TSPAN2: variants seen among roughly 807,000 people sequenced by gnomAD.
The protein encoded by TSPAN2 is tetraspanin-2.
In TSPAN2, 24 loss-of-function variants were observed where a neutral mutation model predicts 33.3. That is an observed-to-expected ratio of 0.72 (90% CI 0.52 to 1.01). The LOEUF (loss-of-function observed/expected upper bound fraction) is 1.01, where lower values mean the gene tolerates loss of function less well. Ranked by LOEUF, TSPAN2 falls within the 50% of genes least tolerant of loss-of-function variation. The probability of loss-of-function intolerance (pLI) is 0.00; values close to 1 mark genes in which losing one functional copy is unlikely to be tolerated. For synonymous variants in TSPAN2, 114 were observed against 104.5 expected (o/e 1.09, Z -0.56); for missense variants, 278 against 281.3 (o/e 0.99, Z 0.08).
At chr1:115,068,443 G>A (rs1031431563) in intron 2 of TSPAN2, among the ~76,000 whole-genome samples, 36 of 152,236 alleles carry the variant, frequency 2.4e-4, no homozygotes, top group African/African-American at 6.3e-4. Flanking sequence ...CTCTCAGAGA[G>A]GAGAGTCAAG....
chr1:115,055,922 C>T (rs1481181558), intron 6 of TSPAN2, among the ~76,000 whole-genome samples: 1 of 152,176 alleles, frequency 6.6e-6, no homozygotes, highest in African/African-American at 2.4e-5. Flanking sequence ...TTATGAATAA[C>T]ATGTAATGAG....
At chr1:115,055,388 G>T (rs1490709655) in intron 6 of TSPAN2, among the ~76,000 whole-genome samples, 1 of 140,950 alleles carries the variant, frequency 7.1e-6, no homozygotes, top group Non-Finnish European at 1.5e-5. Context: ...TAAATTTGTT[G>T]GTGATACTTA....
chr1:115,063,525 T>C (rs139732893), intron 2 of TSPAN2, among the ~76,000 whole-genome samples: 2 of 152,344 alleles, frequency 1.3e-5, no homozygotes, highest in East Asian at 3.9e-4. Flanking sequence ...CTCAAACAAC[T>C]GAGTTGAACT....
chr1:115,050,168 CT>C lies in TSPAN2; in HGVS notation c.*321del, dbSNP rs1170899348. On this transcript the variant is annotated 3_prime_UTR_variant, in exon 8 of 8. Transcript: ENST00000369516. ...TCAAAGTTTCTGAAAGCTCTTTGAT[CT>C]TTTTTTTCTGGGAGCGAAATAGGTT... is the stretch of plus-strand genomic sequence containing the variant. The C allele has an allele frequency of 3.6e-5, 10 of 275,316 alleles. No homozygotes were observed. Among genetic ancestry groups the C allele is most frequent in the East Asian group, 2.1e-4 (2 of 9,452 alleles). 17.1% of individuals were successfully genotyped at this position (275,316 alleles called of 1,614,324 possible).
At chr1:115,089,319 A>T in intron 1 of TSPAN2, 45 bp downstream of exon 1, 1 of 1,088,422 alleles carries the variant, frequency 9.2e-7, no homozygotes, top group Non-Finnish European at 1.3e-6. Context: ...CGCGCCCGCC[A>T]CCCGGCCCCC....
intron 1 of TSPAN2, among the ~76,000 whole-genome samples, chr1:115,075,568 A>G (rs1648371854): frequency 1.3e-5 from 2 of 151,838 alleles, no homozygotes; most frequent in Admixed American, 1.3e-4. Context: ...CAGACTAGAA[A>G]TTGCTTGAAA....
intron 6 of TSPAN2, among the ~76,000 whole-genome samples, chr1:115,056,386 C>T (rs1382817854): frequency 1.3e-5 from 2 of 152,184 alleles, no homozygotes; most frequent in Admixed American, 6.5e-5. Flanking sequence ...CCATCCCTCA[C>T]AGCACGTCAC....
intron 2 of TSPAN2, among the ~76,000 whole-genome samples, chr1:115,062,520 A>T (rs979696320): frequency 6.6e-6 from 1 of 152,220 alleles, no homozygotes; most frequent in Non-Finnish European, 1.5e-5. Context: ...GGCAGCCATC[A>T]TTCAGGTGGG....
At chr1:115,079,635 T>G (rs1648550458) in intron 1 of TSPAN2, among the ~76,000 whole-genome samples, 1 of 152,184 alleles carries the variant, frequency 6.6e-6, no homozygotes, top group African/African-American at 2.4e-5. Flanking sequence ...ATATGACATC[T>G]ATGTCAAATG....
At chr1:115,073,770 A>C (rs551445653) in intron 1 of TSPAN2, among the ~76,000 whole-genome samples, 1 of 152,224 alleles carries the variant, frequency 6.6e-6, no homozygotes, top group African/African-American at 2.4e-5. Context: ...TGGCTGGCAC[A>C]GGCAGTGGCT....
intron 3 of TSPAN2, among the ~76,000 whole-genome samples, chr1:115,061,541 T>A (rs1325221456): frequency 6.6e-6 from 1 of 152,058 alleles, no homozygotes; most frequent in Non-Finnish European, 1.5e-5. Context: ...TGTGAAATAT[T>A]TTTTTTTAAA....
chr1:115,058,535 C>T (rs372174513), intron 5 of TSPAN2: 26 of 271,854 alleles, frequency 9.6e-5, no homozygotes, highest in Non-Finnish European at 1.7e-4. Context: ...TTCTGACTTA[C>T]AGGTCACACT....
chr1:115,073,102 C>A lies in TSPAN2; in HGVS notation c.70-95G>T, dbSNP rs1222270649. 5.7e-6 allele frequency: 6 copies of A among 1,058,138 alleles called. No individual in the cohort carries two copies. The African/African-American group carries it at 9.4e-5, about 17-fold the overall frequency. 65.5% of individuals were successfully genotyped at this position (1,058,138 alleles called of 1,614,324 possible). On this transcript the variant is annotated intron_variant, in intron 1 of 7. Transcript: ENST00000369516. ...TAGGCACAGGATGCTGACAAGGTCA[C>A]CCCTTTGGAAATCACTTAGACCACC...
intron 1 of TSPAN2, among the ~76,000 whole-genome samples, chr1:115,077,439 T>C (rs1353184792): frequency 6.6e-6 from 1 of 152,226 alleles, no homozygotes; most frequent in African/African-American, 2.4e-5. Context: ...ACGTATTGTC[T>C]TGGGCAAGTT....
chr1:115,065,037 C>T (rs764197271), intron 2 of TSPAN2, among the ~76,000 whole-genome samples: 13 of 152,182 alleles, frequency 8.5e-5, no homozygotes, highest in South Asian at 6.2e-4. Flanking sequence ...CCAGAGCTCA[C>T]GGCAAAAACA....
intron 3 of TSPAN2, among the ~76,000 whole-genome samples, chr1:115,061,567 C>A (rs1172962031): frequency 6.6e-6 from 1 of 152,172 alleles, no homozygotes; most frequent in East Asian, 1.9e-4. Flanking sequence ...ATCATAGTCA[C>A]CCCTTACAAT....
chr1:115,055,077 A>G (rs1647341439), intron 6 of TSPAN2, among the ~76,000 whole-genome samples: 1 of 152,144 alleles, frequency 6.6e-6, no homozygotes, highest in African/African-American at 2.4e-5. Flanking sequence ...CTGCACTGCC[A>G]GTTACTTTTT....
rs559344494 is a variant in TSPAN2 at position 115,049,345 on chromosome 1, C to G, written c.*1145G>C. The G allele has an allele frequency of 6.6e-6, 1 of 152,668 alleles. No homozygotes were observed. The highest frequency in any genetic ancestry group is 2.4e-5 in the African/African-American group (1 of 41,552). The allele number at this position is 152,668 out of a possible 1,614,324, so 9.5% of individuals were successfully genotyped here. A position where few individuals can be genotyped will look rare whatever the true frequency, so the allele number is the denominator to read the frequency against. ...GCCCACACACAACTAGGAGAAGATGCTTTTCTTTATTTTGGTTTGGCCAAA... is the reference window on the plus strand; with the variant it reads ...GCCCACACACAACTAGGAGAAGATGGTTTTCTTTATTTTGGTTTGGCCAAA... On this transcript the variant is annotated 3_prime_UTR_variant, in exon 8 of 8. Transcript: ENST00000369516.
At chr1:115,080,951 T>G (rs1570984615) in intron 1 of TSPAN2, among the ~76,000 whole-genome samples, 1 of 152,264 alleles carries the variant, frequency 6.6e-6, no homozygotes, top group African/African-American at 2.4e-5. Flanking sequence ...TATTTATTTA[T>G]AGTGGTTGGG....
Sources: allele counts gnomAD v4.1 joint callset (sites outside exome capture counted in the v4.1 genomes callset), GRCh38; gene constraint gnomAD v4.1.1; transcripts MANE v1.5; gene names NCBI Gene and HGNC (gene_info 2026-07-23, HGNC 2026-07-21).